XCR1: variants seen among roughly 807,000 people sequenced by gnomAD.
XCR1 encodes X-C motif chemokine receptor 1, also known as chemokine XC receptor 1.
For synonymous variants in XCR1, 187 were observed against 188.5 expected (o/e 0.99, Z 0.06); for missense variants, 356 against 424.2 (o/e 0.84, Z 1.41).
chr3:46,053,127 T>C (rs1313219310), intron 5 of XCR1, among the ~76,000 whole-genome samples: 1 of 152,214 alleles, frequency 6.6e-6, no homozygotes, highest in Admixed American at 6.5e-5. Context: ...GACAAGCAAG[T>C]TTGCGCCAAG....
rs780724595 is a variant in XCR1 at position 46,021,948 on chromosome 3, C to G, written c.-1G>C. 6.8e-6 allele frequency: 11 copies of G among 1,606,934 alleles called. No individual in the cohort carries two copies. In the South Asian group the frequency reaches 1.0e-4, roughly 15 times the overall value. ...TCTCTGGGTTGCCTGAGGACTCCAT[C>G]TGGACCAGATGGCAGGGACGTTTAG... On this transcript the variant is annotated 5_prime_UTR_variant, in exon 2 of 2. Coordinates refer to ENST00000309285, the MANE Select transcript of XCR1 (RefSeq NM_001024644.2). The surrounding 1 kb of genome is among the most constrained non-coding windows in gnomAD (Gnocchi z 4.7).
chr3:46,024,312 T>G (rs1302267623), intron 1 of XCR1, among the ~76,000 whole-genome samples: 1 of 152,100 alleles, frequency 6.6e-6, no homozygotes, highest in Non-Finnish European at 1.5e-5. Flanking sequence ...AGAATAGGCA[T>G]TGCCAGGACT....
chr3:46,052,261 T>C (rs1322040431), intron 5 of XCR1, among the ~76,000 whole-genome samples: 3 of 152,148 alleles, frequency 2.0e-5, no homozygotes, highest in Non-Finnish European at 4.4e-5. Context: ...CTGGTGTTCC[T>C]GGGGTGAGGG....
chr3:46,077,531 A>C (rs1043741120), intron 1 of XCR1, among the ~76,000 whole-genome samples: 1 of 152,106 alleles, frequency 6.6e-6, no homozygotes, highest in Non-Finnish European at 1.5e-5. Flanking sequence ...AATAGAAATA[A>C]AGTGCACAAT....
chr3:46,049,853 G>C (rs1446910763), intron 5 of XCR1, among the ~76,000 whole-genome samples: 3 of 152,160 alleles, frequency 2.0e-5, no homozygotes, highest in Non-Finnish European at 4.4e-5. Flanking sequence ...GTTATCTATA[G>C]CACCCACGAA....
chr3:46,048,600 G>A (rs9860381), intron 5 of XCR1, among the ~76,000 whole-genome samples: 2,858 of 152,190 alleles, frequency 0.019, 76 homozygotes, highest in African/African-American at 0.059. Context: ...CACCTTGAGG[G>A]CACCCACACG....
chr3:46,033,420 A>AC, intron 5 of XCR1, among the ~76,000 whole-genome samples: 1 of 152,324 alleles, frequency 6.6e-6, no homozygotes, highest in Non-Finnish European at 1.5e-5. Context: ...TTGTTCTAGC[A>AC]CCACTTGTTG....
rs1708113232 is a variant in XCR1 at position 46,020,220 on chromosome 3, G to C, written c.*726C>G. On this transcript the variant is annotated 3_prime_UTR_variant, in exon 2 of 2. Coordinates refer to ENST00000309285, the MANE Select transcript of XCR1 (RefSeq NM_001024644.2). ...TGTTGGCCCCTGGAGGGTAGCAACT[G>C]TATCTCATTCATCTTTGTATTCTCT... 1 of 152,270 alleles carries C rather than the reference G, an allele frequency of 6.6e-6. No homozygotes were observed. The highest frequency in any genetic ancestry group is 2.4e-5 in the African/African-American group (1 of 41,464). The allele number at this position is 152,270 out of a possible 1,614,324, so 9.4% of individuals were successfully genotyped here.
chr3:46,058,713 G>A (rs905044265), intron 4 of XCR1, among the ~76,000 whole-genome samples: 4 of 152,076 alleles, frequency 2.6e-5, no homozygotes, highest in Admixed American at 2.0e-4. Context: ...ATAGACGGGT[G>A]CCACCATGCC....
chr3:46,031,874 CCT>C (rs1358611068), upstream of XCR1, among the ~76,000 whole-genome samples: 1 of 152,164 alleles, frequency 6.6e-6, no homozygotes, highest in Non-Finnish European at 1.5e-5. Context: ...TCTAGGGCCT[CCT>C]CTCTGCTGAG....
intron 1 of XCR1, among the ~76,000 whole-genome samples, chr3:46,026,373 C>T (rs1217362572): frequency 1.3e-5 from 2 of 152,080 alleles, no homozygotes; most frequent in African/African-American, 4.8e-5. Flanking sequence ...TGGCCCACCT[C>T]AACTCTAAGG....
chr3:46,054,512 G>A (rs1266005163), intron 4 of XCR1, among the ~76,000 whole-genome samples: 1 of 151,624 alleles, frequency 6.6e-6, no homozygotes, highest in Non-Finnish European at 1.5e-5. Flanking sequence ...AGAGTGTAGA[G>A]TGTGGAATGG....
At chr3:46,036,902 GTAAT>G (rs1459554582) in intron 5 of XCR1, among the ~76,000 whole-genome samples, 1 of 152,116 alleles carries the variant, frequency 6.6e-6, no homozygotes, top group Admixed American at 6.5e-5. Context: ...TAATGCATAA[GTAAT>G]CGAGATAAAC....
chr3:46,078,898 C>T (rs1022557298), intron 1 of XCR1, among the ~76,000 whole-genome samples: 13 of 152,130 alleles, frequency 8.5e-5, no homozygotes, highest in African/African-American at 3.1e-4. Context: ...GTATTCCTCA[C>T]CACAAGAACG....
upstream of XCR1, among the ~76,000 whole-genome samples, chr3:46,028,739 A>G (rs1270313954): frequency 6.6e-6 from 1 of 151,928 alleles, no homozygotes; most frequent in Non-Finnish European, 1.5e-5. Context: ...ATAGGTACAC[A>G]GCACCACATC....
chr3:46,023,835 ACG>A lies in XCR1; in HGVS notation c.-31-1859_-31-1858del. 2.0e-6 allele frequency: 3 copies of A among 1,526,760 alleles called. 1 individual carries two copies. The South Asian group carries it at 3.4e-5, about 17-fold the overall frequency. The allele number at this position is 1,526,760 out of a possible 1,614,324, so 94.6% of individuals were successfully genotyped here. A position where few individuals can be genotyped will look rare whatever the true frequency, so the allele number is the denominator to read the frequency against. On this transcript the variant is annotated intron_variant, in intron 1 of 1. Transcript: ENST00000309285. Reference sequence around the variant, plus strand: ...CAACCAAAATTGCAGATTTGAAGAGACGTGTGGAATTCCTTGTGGCTGAGAAT... The same window carrying A: ...CAACCAAAATTGCAGATTTGAAGAGATGTGGAATTCCTTGTGGCTGAGAAT...
chr3:46,053,251 C>T (rs1223665424), intron 5 of XCR1, among the ~76,000 whole-genome samples: 1 of 151,750 alleles, frequency 6.6e-6, no homozygotes, highest in Non-Finnish European at 1.5e-5. Flanking sequence ...ATTCCTTTAA[C>T]AACTTAAACT....
intron 5 of XCR1, among the ~76,000 whole-genome samples, chr3:46,053,057 C>T (rs975791224): frequency 1.1e-4 from 16 of 152,202 alleles, no homozygotes; most frequent in African/African-American, 3.9e-4. Context: ...ATGGTTCTAT[C>T]CAGCCTGGTC....
chr3:46,069,867 A>G (rs1575439055), intron 3 of XCR1, among the ~76,000 whole-genome samples: 3 of 144,750 alleles, frequency 2.1e-5, no homozygotes, highest in Admixed American at 2.0e-4. Flanking sequence ...TTCTTTTTCT[A>G]GTTCCTTGAG....
Sources: allele counts gnomAD v4.1 joint callset (sites outside exome capture counted in the v4.1 genomes callset), GRCh38; gene constraint gnomAD v4.1.1; non-coding constraint Gnocchi (gnomAD v3.1); transcripts MANE v1.5; gene names NCBI Gene and HGNC (gene_info 2026-07-23, HGNC 2026-07-21).